TXNRD2: variants seen among roughly 807,000 people sequenced by gnomAD.
TXNRD2 encodes the protein thioredoxin reductase 2.
A neutral mutation model predicts 70.8 loss-of-function variants in TXNRD2; 67 were observed. The observed-to-expected ratio is 0.95, with a 90% CI of 0.78 to 1.16. The LOEUF is 1.16. Among genes scored for constraint, TXNRD2 ranks in the 50% most tolerant of loss-of-function variants. The pLI is 0.00. For synonymous variants in TXNRD2, 301 were observed against 295.8 expected (o/e 1.02, Z -0.18); for missense variants, 644 against 719.9 (o/e 0.89, Z 1.21).
intron 1 of TXNRD2, among the ~76,000 whole-genome samples, chr22:19,937,249 C>G (rs1004035760): frequency 1.2e-4 from 18 of 152,266 alleles, no homozygotes; most frequent in Admixed American, 5.9e-4. Flanking sequence ...GATACTACTG[C>G]TCATTTAGGC....
rs761105467 is a variant in TXNRD2 at position 19,919,015 on chromosome 22, G to C, written c.230-11C>G. On this transcript the variant is annotated splice_polypyrimidine_tract_variant and intron_variant, in intron 3 of 17. Coordinates refer to ENST00000400521, the MANE Select transcript of TXNRD2 (RefSeq NM_006440.5). ...GGCCCCACCGGGTGCCTGGGACGTG[G>C]GAAGAGCACATTTGAATTTATGTTC... The C allele has an allele frequency of 1.9e-6, 3 of 1,606,462 alleles. No individual in the cohort carries two copies. Among genetic ancestry groups the C allele is most frequent in the Middle Eastern group, 1.7e-4 (1 of 5,848 alleles).
At chr22:19,885,064 C>T (rs964055467) in intron 11 of TXNRD2, among the ~76,000 whole-genome samples, 3 of 152,168 alleles carry the variant, frequency 2.0e-5, no homozygotes, top group Admixed American at 6.5e-5. Context: ...CTGCCCCCTG[C>T]CAGTCTCCAC....
rs531374621 is a variant in TXNRD2, at chr22:19,931,117, G to T, written c.104-19C>A. 1.2e-5 allele frequency: 20 copies of T among 1,611,682 alleles called. No individual in the cohort carries two copies. In the Admixed American group the frequency reaches 2.5e-4, roughly 20 times the overall value. On this transcript the variant is annotated intron_variant, in intron 1 of 17. Coordinates refer to ENST00000400521, the MANE Select transcript of TXNRD2 (RefSeq NM_006440.5). The stretch of plus-strand genomic sequence containing the variant: ...TGACCTGCTGAGAGAAGGGATGAGA[G>T]GTGGGACGGACTGTCTGTCTGGTTA...
chr22:19,931,891 T>C (rs1941374042), intron 1 of TXNRD2, among the ~76,000 whole-genome samples: 1 of 151,816 alleles, frequency 6.6e-6, no homozygotes, highest in African/African-American at 2.4e-5. Flanking sequence ...CTAGGGGCGG[T>C]AGCTCACGCC....
At chr22:19,910,261 G>C (rs1035080366) in intron 8 of TXNRD2, among the ~76,000 whole-genome samples, 6 of 152,242 alleles carry the variant, frequency 3.9e-5, no homozygotes, top group Non-Finnish European at 7.3e-5. Context: ...TGGGGAGTGA[G>C]AGCCACTTGC....
At chr22:19,934,189 A>G (rs1269274696) in intron 1 of TXNRD2, among the ~76,000 whole-genome samples, 1 of 152,088 alleles carries the variant, frequency 6.6e-6, no homozygotes, top group East Asian at 1.9e-4. Flanking sequence ...CAGGGGCTGC[A>G]TCGCCCACCC....
intron 11 of TXNRD2, 115 bp from the exon 12 acceptor site, chr22:19,883,576 G>A: frequency 6.9e-7 from 1 of 1,452,190 alleles, no homozygotes; most frequent in Non-Finnish European, 9.5e-7. Flanking sequence ...AGTGGCTCCT[G>A]CCTGTAATCC....
intron 16 of TXNRD2, 139 bp from the exon 17 acceptor site, chr22:19,877,373 C>T: frequency 1.3e-6 from 1 of 763,944 alleles, no homozygotes; most frequent in Non-Finnish European, 2.2e-6. Context: ...CAGCCAGGAC[C>T]CCTGCCCACA....
intron 1 of TXNRD2, among the ~76,000 whole-genome samples, chr22:19,931,898 C>T (rs1051331122): frequency 1.3e-5 from 2 of 152,150 alleles, no homozygotes; most frequent in South Asian, 2.1e-4. Flanking sequence ...CGGTAGCTCA[C>T]GCCTGTAATC....
chr22:19,898,226 T>C, intron 9 of TXNRD2, 96 bp from the exon 10 acceptor site: 2 of 1,172,088 alleles, frequency 1.7e-6, no homozygotes, highest in Admixed American at 4.0e-5. Context: ...ACCCCACCCA[T>C]CCATGGCTGG....
intron 7 of TXNRD2, chr22:19,914,839 C>T (rs986273393): frequency 1.8e-5 from 5 of 275,712 alleles, no homozygotes; most frequent in African/African-American, 4.4e-5. Flanking sequence ...AACTGGGGGA[C>T]GTGAAGGAGG....
intron 1 of TXNRD2, among the ~76,000 whole-genome samples, chr22:19,938,956 A>G (rs1246991466): frequency 1.3e-5 from 2 of 152,214 alleles, no homozygotes; most frequent in Non-Finnish European, 2.9e-5. Flanking sequence ...GACTGCAGCT[A>G]AATGCCATTA....
chr22:19,929,216 A>ACTCGGGAGG (rs1198474617), intron 2 of TXNRD2, among the ~76,000 whole-genome samples: 1 of 150,628 alleles, frequency 6.6e-6, no homozygotes. Flanking sequence ...AGTCCCAGCT[A>ACTCGGGAGG]CTCGGGAGGC....
chr22:19,892,817 G>A (rs3788310), intron 11 of TXNRD2, among the ~76,000 whole-genome samples: 13,021 of 152,256 alleles, frequency 0.086, 763 homozygotes, highest in East Asian at 0.2. Flanking sequence ...AATTTTGAAA[G>A]AAAAATAAAG....
chr22:19,888,983 G>C (rs1470944020), intron 11 of TXNRD2, among the ~76,000 whole-genome samples: 1 of 151,162 alleles, frequency 6.6e-6, no homozygotes, highest in Non-Finnish European at 1.5e-5. Context: ...CTGCCCTGCT[G>C]GCCTCAGGTC....
rs1601485903 is a variant in TXNRD2, at chr22:19,933,600, C to A, written c.104-2502G>T. On this transcript the variant is annotated intron_variant, in intron 1 of 17. Transcript: ENST00000400521. ...GCAGCTTGCTCGCCCCCTGTGCACACCCAGGAGCCCTCTCGGGCTGATAAA... is the reference window on the plus strand; with the variant it reads ...GCAGCTTGCTCGCCCCCTGTGCACAACCAGGAGCCCTCTCGGGCTGATAAA... 14 of 957,638 alleles carry A rather than the reference C, an allele frequency of 1.5e-5. 1 individual carries two copies. In the South Asian group the frequency reaches 1.9e-4, roughly 13 times the overall value. 59.3% of individuals were successfully genotyped at this position (957,638 alleles called of 1,614,324 possible). A position where few individuals can be genotyped will look rare whatever the true frequency, so the allele number is the denominator to read the frequency against.
At chr22:19,899,979 A>G (rs951591750) in intron 8 of TXNRD2, among the ~76,000 whole-genome samples, 15 of 152,252 alleles carry the variant, frequency 9.9e-5, no homozygotes, top group Admixed American at 6.5e-5. Flanking sequence ...TGATGTAAGG[A>G]CGGATAAGCC....
intron 7 of TXNRD2, chr22:19,914,785 G>A (rs1940561019): frequency 3.5e-6 from 1 of 281,756 alleles, no homozygotes; most frequent in Non-Finnish European, 6.9e-6. Context: ...CCCTAAAAAA[G>A]GCTAAATTTT....
At chr22:19,910,678 C>T (rs952160075) in intron 8 of TXNRD2, among the ~76,000 whole-genome samples, 4 of 152,200 alleles carry the variant, frequency 2.6e-5, no homozygotes, top group African/African-American at 9.6e-5. Flanking sequence ...GCAATCACAG[C>T]TCACTGCAGC....
Sources: gnomAD v4.1 joint callset for allele counts (sites outside exome capture counted in the v4.1 genomes callset) on GRCh38, gnomAD v4.1.1 for gene constraint, MANE v1.5 for transcripts, NCBI Gene and HGNC (gene_info 2026-07-23, HGNC 2026-07-21) for gene names.